Variants in LYZL2 observed in about 807,000 individuals in gnomAD.
The protein encoded by LYZL2 is lysozyme-like protein 2.
In LYZL2, 13 loss-of-function variants were observed where a neutral mutation model predicts 17.1. That is an observed-to-expected ratio of 0.76 (90% confidence interval 0.49 to 1.21). LYZL2 has a LOEUF of 1.21. Among genes scored for constraint, LYZL2 ranks in the 50% most tolerant of loss-of-function variants. The pLI, the probability that LYZL2 is intolerant of heterozygous loss-of-function variation, is 0.00. For missense variants in LYZL2, 166 were observed against 189.2 expected (o/e 0.88, Z 0.72); for synonymous variants, 63 against 74.4 (o/e 0.85, Z 0.79).
At chr10:30,610,115 G>A (rs1470985610), downstream of LYZL2, among the ~76,000 whole-genome samples, 1 of 71,516 alleles carries the variant, frequency 1.4e-5, no homozygotes, top group East Asian at 2.4e-4. Context: ...AACAATAGCT[G>A]ATGAGCTAAA....
chr10:30,617,611 G>A lies in LYZL2; in HGVS notation c.299-4711C>T, dbSNP rs192275866. On this transcript the variant is annotated intron_variant, in intron 3 of 4. Coordinates refer to ENST00000647634, the MANE Select transcript of LYZL2 (RefSeq NM_183058.3). ...AATTGCTTGAACCCTGGAGGCGGAGGTTGCAGTGAGCCGAGATCGTGCCAC... is the reference window on the plus strand; with the variant it reads ...AATTGCTTGAACCCTGGAGGCGGAGATTGCAGTGAGCCGAGATCGTGCCAC... Among the ~76,000 whole-genome samples the A allele has an allele frequency of 3.1e-3, 407 of 133,370 alleles. 1 individual carries two copies. The Middle Eastern group carries it at 0.035, about 11-fold the overall frequency. 87.5% of individuals were successfully genotyped at this position (133,370 alleles called of 152,430 possible).
At chr10:30,618,859 CA>C (rs1175964962) in intron 3 of LYZL2, among the ~76,000 whole-genome samples, 1 of 152,166 alleles carries the variant, frequency 6.6e-6, no homozygotes, top group Non-Finnish European at 1.5e-5. Flanking sequence ...TTCTGCACAA[CA>C]AAAGAAACTA....
chr10:30,617,759 T>C (rs942034446), intron 3 of LYZL2, among the ~76,000 whole-genome samples: 1 of 147,490 alleles, frequency 6.8e-6, no homozygotes, highest in African/African-American at 2.5e-5. Flanking sequence ...CTTTGAAAAC[T>C]AGCACAAGAC....
chr10:30,626,013 A>C (rs1838695392), intron 3 of LYZL2, 92 bp downstream of exon 3: 1 of 1,534,056 alleles, frequency 6.5e-7, no homozygotes, highest in Non-Finnish European at 8.8e-7. Flanking sequence ...TGAACTCCAA[A>C]TTTTAGTTAA....
rs761236340 is a variant in LYZL2 at position 30,626,160 on chromosome 10, C to A, written c.243G>T (p.Ala81=). ...DYGIFQINSF[A]WCRRGKLKEN... is the part of the protein sequence containing the mutation. ...CCTTCAGCTTTCCGCGTCTGCACCA[C>A]GCGAAGCTGTTGATCTGGAAGATGC... The change falls in exon 3 of 5, where the codon GCG becomes GCT. Residue 81 remains alanine (A), a synonymous_variant. Transcript: ENST00000647634. The A allele has an allele frequency of 4.3e-6, 7 of 1,614,126 alleles. No individual in the cohort carries two copies. In the African/African-American group the frequency reaches 9.3e-5, roughly 22 times the overall value.
chr10:30,614,579 C>T (rs113982582), intron 3 of LYZL2, among the ~76,000 whole-genome samples: 17,172 of 152,246 alleles, frequency 0.11, 1,043 homozygotes, highest in South Asian at 0.18. Flanking sequence ...CCACCACAAC[C>T]ACCAATCAAG....
chr10:30,627,383 C>T (rs1838731382), intron 1 of LYZL2, among the ~76,000 whole-genome samples: 1 of 151,846 alleles, frequency 6.6e-6, no homozygotes, highest in Non-Finnish European at 1.5e-5. Flanking sequence ...CCCGAGACAG[C>T]AAGACCAACC....
At chr10:30,627,942 G>A (rs970138887) in intron 1 of LYZL2, among the ~76,000 whole-genome samples, 8 of 152,180 alleles carry the variant, frequency 5.3e-5, no homozygotes, top group Admixed American at 3.9e-4. Flanking sequence ...GGCGGATCAC[G>A]AGGTCAGGAG....
intron 3 of LYZL2, among the ~76,000 whole-genome samples, chr10:30,620,885 G>T (rs1359828916): frequency 6.6e-6 from 1 of 151,106 alleles, no homozygotes; most frequent in Non-Finnish European, 1.5e-5. Flanking sequence ...AGTAACAGCC[G>T]ACTTGAAGAC....
chr10:30,607,290 T>G (rs1838388438), downstream of LYZL2, among the ~76,000 whole-genome samples: 1 of 152,026 alleles, frequency 6.6e-6, no homozygotes, highest in South Asian at 2.1e-4. Flanking sequence ...GAACAGAGCC[T>G]AACCAATAAG....
At chr10:30,620,555 C>G (rs958744169) in intron 3 of LYZL2, among the ~76,000 whole-genome samples, 1 of 152,042 alleles carries the variant, frequency 6.6e-6, no homozygotes, top group African/African-American at 2.4e-5. Flanking sequence ...AGACAGGACC[C>G]GAGGACTCAC....
In LYZL2 at chr10:30,612,857, C is replaced by G; in HGVS notation, c.342G>C (p.Lys114Asn). 6.2e-7 allele frequency: 1 copy of G among 1,613,918 alleles called. No homozygotes were observed. Among genetic ancestry groups the G allele is most frequent in the Middle Eastern group, 1.6e-4 (1 of 6,062 alleles). The stretch of plus-strand genomic sequence containing the variant: ...TTCCTTGTGTCTCTTTAACAATTTT[C>G]TTGGCACAGATAATCGCATCTGTGA... The part of the protein sequence containing the change: ...DDLTDAIICA[K>N]KIVKETQGMN... Residue 114 changes from lysine to asparagine, a missense_variant, in exon 4 of 5, where the codon AAG becomes AAC. By Grantham distance (94) the Lys-to-Asn change is moderately conservative (BLOSUM62 0). This residue lies in a region of LYZL2 where 134 missense variants were observed against 129.4 expected (regional missense o/e 1.04). Coordinates refer to ENST00000647634, the MANE Select transcript of LYZL2 (RefSeq NM_183058.3).
At chr10:30,615,471 T>C (rs1014629883) in intron 3 of LYZL2, among the ~76,000 whole-genome samples, 1 of 152,146 alleles carries the variant, frequency 6.6e-6, no homozygotes, top group Non-Finnish European at 1.5e-5. Flanking sequence ...CATAGTTAAT[T>C]ATACTGTACT....
intron 4 of LYZL2, 113 bp downstream of exon 4, chr10:30,612,709 A>G (rs1239487189): frequency 1.3e-6 from 1 of 744,316 alleles, no homozygotes; most frequent in Non-Finnish European, 2.3e-6. Flanking sequence ...GTCTCCTTCC[A>G]TTGGTTGGAC....
intron 3 of LYZL2, among the ~76,000 whole-genome samples, chr10:30,624,691 T>G (rs1028510865): frequency 1.3e-5 from 2 of 152,234 alleles, no homozygotes; most frequent in African/African-American, 2.4e-5. Flanking sequence ...TGCCTGGCTA[T>G]TTTTAATTTG....
Position 30,629,719 on chromosome 10 carries a change from G to A in LYZL2, c.-152C>T, listed in dbSNP as rs1310432811. On this transcript the variant is annotated 5_prime_UTR_variant, in exon 1 of 5. Transcript: ENST00000647634. ...AGCGTCCTGCATCCCCTGAAGCCAT[G>A]TCTGATTCTAACAAGGCTCGAGTAA... is the stretch of plus-strand genomic sequence containing the variant. 6.2e-7 allele frequency: 1 copy of A among 1,603,212 alleles called. No individual in the cohort carries two copies. The highest frequency in any genetic ancestry group is 2.2e-5 in the East Asian group (1 of 44,732).
At chr10:30,612,240 A>G (rs1401266477) in intron 4 of LYZL2, among the ~76,000 whole-genome samples, 2 of 152,206 alleles carry the variant, frequency 1.3e-5, no homozygotes, top group Admixed American at 6.5e-5. Context: ...ACAAGCAATC[A>G]ACTTTTGTAA....
At chr10:30,627,593 T>C (rs1480916086) in intron 1 of LYZL2, among the ~76,000 whole-genome samples, 24 of 152,226 alleles carry the variant, frequency 1.6e-4, no homozygotes, top group Non-Finnish European at 3.4e-4. Flanking sequence ...TTCTTTTCTC[T>C]AGCTTACTTT....
At chr10:30,610,672 A>G (rs1443460859), downstream of LYZL2, among the ~76,000 whole-genome samples, 1 of 152,128 alleles carries the variant, frequency 6.6e-6, no homozygotes, top group Non-Finnish European at 1.5e-5. Flanking sequence ...GCCTCAAGCA[A>G]TCTTCCCACC....
Sources: gnomAD v4.1 joint callset for allele counts (sites outside exome capture counted in the v4.1 genomes callset) on GRCh38, gnomAD v4.1.1 for gene constraint, gnomAD v4.1.1 regional missense constraint, MANE v1.5 for transcripts, NCBI Gene and HGNC (gene_info 2026-07-23, HGNC 2026-07-21) for gene names.